The following BCL11B variants were observed in gnomAD, a reference collection of about 807,000 sequenced individuals.
BCL11B encodes the protein BCL11 transcription factor B.
A neutral mutation model predicts 49.9 loss-of-function variants in BCL11B; 8 were observed. The observed-to-expected ratio is 0.16, with a 90% CI of 0.09 to 0.29. The LOEUF (loss-of-function observed/expected upper bound fraction) is 0.29. Ranked by LOEUF, BCL11B falls within the 10% of genes least tolerant of loss-of-function variation. BCL11B has a pLI of 1.00. For synonymous variants in BCL11B, 739 were observed against 637.4 expected (o/e 1.16, Z -2.40); for missense variants, 1,006 against 1,351.0 (o/e 0.74, Z 4.00).
Position 99,242,873 on chromosome 14 carries a change from C to T in BCL11B, c.428-11316G>A, listed in dbSNP as rs1437678350. On this transcript the variant is annotated intron_variant, in intron 2 of 3. Coordinates refer to ENST00000357195, the MANE Select transcript of BCL11B (RefSeq NM_138576.4). This position sits in a 1 kb window ranked among gnomAD's most constrained non-coding sequence, Gnocchi z 4.4. ...CCTCTGGCTTCCCTAGTGAAGGTAC[C>T]ATTTCATAGCAGACAGCTGTGTGCT... Among the ~76,000 whole-genome samples the T allele has an allele frequency of 6.6e-6, 1 of 152,190 alleles. No individual in the cohort carries two copies. Among genetic ancestry groups the T allele is most frequent in the Non-Finnish European group, 1.5e-5 (1 of 68,032 alleles).
rs766267383 is a variant in BCL11B at position 99,175,904 on chromosome 14, G to T, written c.932C>A (p.Pro311Gln). The change falls in exon 4 of 4, where the codon CCG becomes CAG. Residue 311 changes from proline to glutamine, a missense_variant. Around this residue, in one of 6 missense-constraint regions of BCL11B, gnomAD observed 411 missense variants for 542.2 expected, o/e 0.76. Transcript: ENST00000357195. ...GGGACTGAAGAGAGGCGGCGTGCCC[G>T]GCAGGCGGCCCTCGCCGAAGCCCGG... ...DHPGFGEGRL[P>Q]GTPPLFSPPP... The T allele has an allele frequency of 6.9e-7, 1 of 1,453,020 alleles. No individual in the cohort carries two copies. The highest frequency in any genetic ancestry group is 9.0e-7 in the Non-Finnish European group (1 of 1,105,604). 90.0% of individuals were successfully genotyped at this position (1,453,020 alleles called of 1,614,324 possible). A position where few individuals can be genotyped will look rare whatever the true frequency, so the allele number is the denominator to read the frequency against.
At chr14:99,221,278 C>T (rs570021264) in intron 3 of BCL11B, among the ~76,000 whole-genome samples, 4 of 152,334 alleles carry the variant, frequency 2.6e-5, no homozygotes, top group East Asian at 3.9e-4. Flanking sequence ...AGCAGACTCA[C>T]GCACCCAGTG....
chr14:99,269,356 G>A (rs150108391), intron 1 of BCL11B, among the ~76,000 whole-genome samples: 132 of 152,282 alleles, frequency 8.7e-4, no homozygotes, highest in African/African-American at 2.9e-3. Flanking sequence ...AAAAGACCTT[G>A]ATCAAACCAA....
At chr14:99,236,235 G>A (rs1441098866) in intron 2 of BCL11B, among the ~76,000 whole-genome samples, 2 of 152,082 alleles carry the variant, frequency 1.3e-5, no homozygotes, top group East Asian at 1.9e-4. Context: ...AACCCAATTC[G>A]CACGCGGGCA....
chr14:99,179,331 G>A (rs971200884), intron 3 of BCL11B, among the ~76,000 whole-genome samples: 2 of 152,100 alleles, frequency 1.3e-5, no homozygotes, highest in East Asian at 1.9e-4. Flanking sequence ...AAAATTAGCC[G>A]GGTGTGGTGG....
At chr14:99,216,603 T>C (rs1046020394) in intron 3 of BCL11B, among the ~76,000 whole-genome samples, 3 of 152,118 alleles carry the variant, frequency 2.0e-5, no homozygotes, top group African/African-American at 7.2e-5. Flanking sequence ...AATTCAGCTC[T>C]AGAGAGAGAC....
intron 3 of BCL11B, among the ~76,000 whole-genome samples, chr14:99,193,849 C>T (rs897740317): frequency 4.6e-5 from 7 of 152,110 alleles, no homozygotes; most frequent in Admixed American, 3.3e-4. Context: ...CTTTTTAAAA[C>T]CCCAAATCTA....
Position 99,170,196 on chromosome 14 carries a change from G to A in BCL11B, c.*3955C>T, listed in dbSNP as rs980583656. On this transcript the variant is annotated 3_prime_UTR_variant, in exon 4 of 4. Coordinates refer to ENST00000357195, the MANE Select transcript of BCL11B (RefSeq NM_138576.4). Reference sequence around the variant, plus strand: ...CATCCAAAGGCAACAGCAGCCCCTGGATCTGCAGGTAGGAAACTGCAGTAG... The same window carrying A: ...CATCCAAAGGCAACAGCAGCCCCTGAATCTGCAGGTAGGAAACTGCAGTAG... 8 of 222,404 alleles carry A rather than the reference G, an allele frequency of 3.6e-5. No individual in the cohort carries two copies. The highest frequency in any genetic ancestry group is 1.8e-4 in the African/African-American group (8 of 44,694). The allele number at this position is 222,404 out of a possible 1,614,324, so 13.8% of individuals were successfully genotyped here.
rs1004425558 is a variant in BCL11B at position 99,272,029 on chromosome 14, C to A, written c.-811G>T. 6.6e-6 allele frequency among the ~76,000 whole-genome samples: 1 copy of A among 151,990 alleles called. No individual in the cohort carries two copies. Among genetic ancestry groups the A allele is most frequent in the Non-Finnish European group, 1.5e-5 (1 of 67,976 alleles). ...GGCCGGAGGGGCTGCCGAGTCCCCGCGAGCGCTCCCCAGCGCTCCCCTGGC... is the reference window on the plus strand; with the variant it reads ...GGCCGGAGGGGCTGCCGAGTCCCCGAGAGCGCTCCCCAGCGCTCCCCTGGC... On this transcript the variant is annotated 5_prime_UTR_variant, in exon 1 of 4. Coordinates refer to ENST00000357195, the MANE Select transcript of BCL11B (RefSeq NM_138576.4). The surrounding 1 kb of genome is among the most constrained non-coding windows in gnomAD (Gnocchi z 6.0).
intron 3 of BCL11B, among the ~76,000 whole-genome samples, chr14:99,225,656 A>AG (rs1458680985): frequency 6.6e-6 from 1 of 151,982 alleles, no homozygotes; most frequent in Non-Finnish European, 1.5e-5. Context: ...AAAAAGGGAA[A>AG]AAAAGAAAGA....
intron 3 of BCL11B, among the ~76,000 whole-genome samples, chr14:99,219,104 C>T (rs924322296): frequency 6.6e-6 from 1 of 151,752 alleles, no homozygotes; most frequent in African/African-American, 2.4e-5. Context: ...TGCAGTGGCA[C>T]GATCTCGGCT....
At chr14:99,233,350 T>C (rs1888391368) in intron 2 of BCL11B, among the ~76,000 whole-genome samples, 2 of 152,190 alleles carry the variant, frequency 1.3e-5, no homozygotes, top group Admixed American at 1.3e-4. Context: ...TGGAACCCAG[T>C]TGTGTCCCCG....
rs1453837348 is a variant in BCL11B at position 99,188,290 on chromosome 14, C to T, written c.641-12095G>A. Among the ~76,000 whole-genome samples the T allele has an allele frequency of 2.0e-5, 3 of 152,050 alleles. No individual in the cohort carries two copies. In the East Asian group the frequency reaches 5.8e-4, roughly 29 times the overall value. On this transcript the variant is annotated intron_variant, in intron 3 of 3. Coordinates refer to ENST00000357195, the MANE Select transcript of BCL11B (RefSeq NM_138576.4). ...GCAATTATAGGGTAAAAAACTGGAC[C>T]TTATGAATGGGGGGAACACTGTTTG...
chr14:99,235,148 C>T (rs1171415006), intron 2 of BCL11B, among the ~76,000 whole-genome samples: 1 of 152,204 alleles, frequency 6.6e-6, no homozygotes, highest in Non-Finnish European at 1.5e-5. Context: ...TCGAGCCTTC[C>T]CCACCCCTGA....
intron 1 of BCL11B, among the ~76,000 whole-genome samples, chr14:99,260,980 A>C (rs1889319556): frequency 6.6e-6 from 1 of 152,184 alleles, no homozygotes; most frequent in South Asian, 2.1e-4. Flanking sequence ...AACAAACAAA[A>C]AATATCTCCT....
chr14:99,260,753 T>C (rs1889312816), intron 1 of BCL11B, among the ~76,000 whole-genome samples: 1 of 152,010 alleles, frequency 6.6e-6, no homozygotes, highest in African/African-American at 2.4e-5. Context: ...GCCCCCGTAA[T>C]TGAGTTTGAA....
At chr14:99,237,051 C>CT (rs1363335915) in intron 2 of BCL11B, among the ~76,000 whole-genome samples, 3 of 148,540 alleles carry the variant, frequency 2.0e-5, no homozygotes, top group Admixed American at 6.7e-5. Context: ...CTCTCAATCC[C>CT]TTTTTTTGGG....
Position 99,271,187 on chromosome 14 carries a change from T to C in BCL11B, c.32A>G (p.His11Arg). 6.5e-7 allele frequency: 1 copy of C among 1,546,094 alleles called. No individual in the cohort carries two copies. Among genetic ancestry groups the C allele is most frequent in the Non-Finnish European group, 8.7e-7 (1 of 1,151,766 alleles). MSRRKQGNPQ[H>R]LSQRELITPE... Reference sequence around the variant, plus strand: ...GGTGATGAGCTCCCTCTGGGACAAGTGCTGCGGGTTGCCCTGTTTGCGGCG... The same window carrying C: ...GGTGATGAGCTCCCTCTGGGACAAGCGCTGCGGGTTGCCCTGTTTGCGGCG... The change falls in exon 1 of 4, where the codon CAC becomes CGC. Residue 11 changes from histidine (H) to arginine (R), a missense_variant. Physicochemically the swap from His to Arg is conservative, Grantham distance 29. Transcript: ENST00000357195.
At chr14:99,176,824 C>A (rs565328982) in intron 3 of BCL11B, among the ~76,000 whole-genome samples, 1 of 152,184 alleles carries the variant, frequency 6.6e-6, no homozygotes, top group African/African-American at 2.4e-5. Flanking sequence ...GGGAGGGGGG[C>A]AAGATCACCG....
Sources: gnomAD v4.1 joint callset for allele counts (sites outside exome capture counted in the v4.1 genomes callset) on GRCh38, gnomAD v4.1.1 for gene constraint, gnomAD v4.1.1 regional missense constraint, Gnocchi (gnomAD v3.1) non-coding constraint, MANE v1.5 for transcripts, NCBI Gene and HGNC (gene_info 2026-07-23, HGNC 2026-07-21) for gene names.